The following CSMD3 variants were observed in gnomAD, a reference collection of about 807,000 sequenced individuals.
CSMD3 encodes CUB and sushi domain-containing protein 3.
A neutral mutation model predicts 435.2 loss-of-function variants in CSMD3; 177 were observed. The ratio of observed to expected loss-of-function variants is 0.41; its 90% CI spans 0.36 to 0.46. CSMD3 has a LOEUF of 0.46. CSMD3 is among the 20% of genes least tolerant of loss of function. The pLI is 0.34. For synonymous variants in CSMD3, 1,656 were observed against 1,520.5 expected (o/e 1.09, Z -2.07); for missense variants, 4,265 against 4,504.6 (o/e 0.95, Z 1.52).
chr8:113,267,659 A>C (rs893717186), intron 3 of CSMD3, among the ~76,000 whole-genome samples: 1 of 151,600 alleles, frequency 6.6e-6, no homozygotes, highest in Non-Finnish European at 1.5e-5. Flanking sequence ...AGTTAGATAG[A>C]AGGAATAAAT....
In CSMD3 at chr8:113,173,722, C is replaced by G. The variant is rs745914432; in HGVS notation, c.709G>C (p.Ala237Pro). The G allele has an allele frequency of 6.2e-7, 1 of 1,606,582 alleles. No individual in the cohort carries two copies. The highest frequency in any genetic ancestry group is 2.2e-5 in the East Asian group (1 of 44,718). Reference sequence around the variant, plus strand: ...CATTTTTAAAGTGTTTTCATTTTACCTCTACAGATAGGAACAGGAAAATCC... The same window carrying G: ...CATTTTTAAAGTGTTTTCATTTTACGTCTACAGATAGGAACAGGAAAATCC... ...SWDFPVPICR[A>P]EDACGGTMRG... The change falls in exon 4 of 71, where the codon GCT becomes CCT. Residue 237 changes from alanine to proline, a missense_variant and splice_region_variant. By Grantham distance (27) the Ala-to-Pro change is conservative. Around this residue, in one of 3 missense-constraint regions of CSMD3, gnomAD observed 731 missense variants for 755.4 expected, o/e 0.97. Coordinates refer to ENST00000297405, the MANE Select transcript of CSMD3 (RefSeq NM_198123.2).
intron 32 of CSMD3, among the ~76,000 whole-genome samples, chr8:112,451,890 G>T (rs1816326195): frequency 6.6e-6 from 1 of 152,148 alleles, no homozygotes; most frequent in Non-Finnish European, 1.5e-5. Flanking sequence ...TTTGTGTAAA[G>T]ATATTTATTA....
intron 1 of CSMD3, among the ~76,000 whole-genome samples, chr8:113,401,813 T>G (rs1447937936): frequency 6.6e-6 from 1 of 151,630 alleles, no homozygotes; most frequent in Non-Finnish European, 1.5e-5. Flanking sequence ...TGTATAAATA[T>G]GTTTAGATAC....
rs542275557 is a variant in CSMD3 at position 112,260,920 on chromosome 8, T to C, written c.9862+2719A>G. 8.9e-4 allele frequency among the ~76,000 whole-genome samples: 135 copies of C among 152,288 alleles called. No individual in the cohort carries two copies. The South Asian group carries it at 0.026, about 30-fold the overall frequency. The stretch of plus-strand genomic sequence containing the variant: ...ACTTCTCCACTACTCAATATATCTA[T>C]GGAATAAAACTACACTTGTACCCCT... On this transcript the variant is annotated intron_variant, in intron 61 of 70. Coordinates refer to ENST00000297405, the MANE Select transcript of CSMD3 (RefSeq NM_198123.2).
At chr8:112,236,353 A>T (rs1813598114) in intron 67 of CSMD3, among the ~76,000 whole-genome samples, 1 of 152,092 alleles carries the variant, frequency 6.6e-6, no homozygotes, top group South Asian at 2.1e-4. Flanking sequence ...TTAATTTGAA[A>T]ATATTTATTG....
chr8:112,891,447 G>T (rs1384642142), intron 10 of CSMD3, among the ~76,000 whole-genome samples: 1 of 151,510 alleles, frequency 6.6e-6, no homozygotes, highest in East Asian at 2.0e-4. Flanking sequence ...TCCAACATGA[G>T]AAATACTTTA....
chr8:112,607,757 A>T (rs1832914744), intron 22 of CSMD3, among the ~76,000 whole-genome samples: 1 of 152,164 alleles, frequency 6.6e-6, no homozygotes, highest in African/African-American at 2.4e-5. Flanking sequence ...AAAATTCAAT[A>T]TCCTTTCATG....
At chr8:113,194,675 C>T (rs1246442565) in intron 3 of CSMD3, among the ~76,000 whole-genome samples, 4 of 151,106 alleles carry the variant, frequency 2.6e-5, no homozygotes, top group Admixed American at 6.6e-5. Context: ...TCTGTATTTT[C>T]TGCTCAATTT....
intron 28 of CSMD3, among the ~76,000 whole-genome samples, chr8:112,510,033 TAGAGGCCTA>T (rs1236807408): frequency 2.0e-5 from 3 of 152,192 alleles, no homozygotes; most frequent in Admixed American, 6.5e-5. Flanking sequence ...AGTCCCAAGC[TAGAGGCCTA>T]AGAGTCTTCT....
intron 1 of CSMD3, among the ~76,000 whole-genome samples, chr8:113,412,152 C>A (rs550813903): frequency 1.3e-5 from 2 of 151,914 alleles, no homozygotes; most frequent in East Asian, 1.9e-4. Context: ...ATCACTTGGC[C>A]GGAAATGTTT....
intron 1 of CSMD3, among the ~76,000 whole-genome samples, chr8:113,405,037 A>C (rs923725088): frequency 2.0e-5 from 3 of 151,536 alleles, no homozygotes; most frequent in Non-Finnish European, 4.4e-5. Context: ...TAGGATTTTC[A>C]GTGAGTAAAT....
At chr8:112,393,800 C>G (rs1360494774) in intron 35 of CSMD3, among the ~76,000 whole-genome samples, 1 of 152,162 alleles carries the variant, frequency 6.6e-6, no homozygotes, top group African/African-American at 2.4e-5. Context: ...CACTGTTGAT[C>G]ACTCCATCTG....
At chr8:112,310,914 A>T (rs777338666) in intron 50 of CSMD3, 64 bp downstream of exon 50, 1 of 1,389,932 alleles carries the variant, frequency 7.2e-7, no homozygotes, top group Admixed American at 1.7e-5. Context: ...GATCCAAATA[A>T]AAACGTTAAA....
At chr8:112,770,072 A>G (rs554234742) in intron 13 of CSMD3, among the ~76,000 whole-genome samples, 2 of 152,200 alleles carry the variant, frequency 1.3e-5, no homozygotes, top group South Asian at 4.1e-4. Context: ...TATTGCAAAT[A>G]TCTTGAAATA....
intron 32 of CSMD3, among the ~76,000 whole-genome samples, chr8:112,441,774 A>G (rs189196887): frequency 1.1e-3 from 175 of 152,288 alleles, no homozygotes; most frequent in Admixed American, 3.9e-3. Context: ...ATGTCATGAG[A>G]ACTCACTATC....
At chr8:112,485,207 T>C (rs1820006233) in intron 31 of CSMD3, among the ~76,000 whole-genome samples, 1 of 152,168 alleles carries the variant, frequency 6.6e-6, no homozygotes, top group Admixed American at 6.5e-5. Context: ...AAATATGCTT[T>C]GGTTTTATCC....
At chr8:112,549,928 T>A (rs1470897524) in intron 27 of CSMD3, among the ~76,000 whole-genome samples, 1 of 152,056 alleles carries the variant, frequency 6.6e-6, no homozygotes, top group Non-Finnish European at 1.5e-5. Context: ...TTAATAGGAC[T>A]TTTTAAGACT....
At chr8:113,251,888 T>C (rs1357661463) in intron 3 of CSMD3, among the ~76,000 whole-genome samples, 1 of 152,060 alleles carries the variant, frequency 6.6e-6, no homozygotes, top group Non-Finnish European at 1.5e-5. Context: ...TATACTTTCT[T>C]AGAAATCCCA....
At chr8:112,881,761 C>T (rs2081454093) in intron 10 of CSMD3, among the ~76,000 whole-genome samples, 1 of 151,856 alleles carries the variant, frequency 6.6e-6, no homozygotes, top group Admixed American at 6.6e-5. Flanking sequence ...CATTCAAGAC[C>T]TTTACAAAGG....
Sources: allele counts gnomAD v4.1 joint callset (sites outside exome capture counted in the v4.1 genomes callset), GRCh38; gene constraint gnomAD v4.1.1; regional missense constraint gnomAD v4.1.1; transcripts MANE v1.5; gene names NCBI Gene and HGNC (gene_info 2026-07-23, HGNC 2026-07-21).